The following FMN1 variants were observed in gnomAD, a reference collection of about 807,000 sequenced individuals.
The protein encoded by FMN1 is formin 1, also known as formin-1.
In FMN1, 110 loss-of-function variants were observed where a neutral mutation model predicts 132.4. The ratio of observed to expected loss-of-function variants is 0.83; its 90% CI spans 0.71 to 0.97. FMN1 has a LOEUF of 0.97. Among genes scored for constraint, FMN1 ranks in the 50% least tolerant of loss-of-function variants. The pLI is 0.00. For synonymous variants in FMN1, 722 were observed against 651.7 expected, an observed-to-expected ratio of 1.11 and a Z score of -1.64; for missense variants, 1,792 against 1,705.3, an observed-to-expected ratio of 1.05 and a Z score of -0.90.
chr15:32,932,975 T>C (rs1325963294), intron 9 of FMN1, among the ~76,000 whole-genome samples: 1 of 152,170 alleles, frequency 6.6e-6, no homozygotes, highest in Non-Finnish European at 1.5e-5. Flanking sequence ...TTTTCTATAC[T>C]CTATTTTGCT....
At chr15:32,922,028 C>T (rs906442314) in intron 10 of FMN1, among the ~76,000 whole-genome samples, 9 of 152,148 alleles carry the variant, frequency 5.9e-5, no homozygotes, top group Non-Finnish European at 1.2e-4. Context: ...ACTATTTCAT[C>T]CTCTCAGACT....
At chr15:32,798,992 T>G in intron 18 of FMN1, 39 bp from the exon 19 acceptor site, 2 of 1,587,846 alleles carry the variant, frequency 1.3e-6, no homozygotes, top group Non-Finnish European at 1.7e-6. Context: ...GAGGTAGAGG[T>G]GAGAAATTGC....
intron 7 of FMN1, among the ~76,000 whole-genome samples, chr15:32,995,136 TTAA>T (rs1228460629): frequency 5.3e-5 from 8 of 152,144 alleles, no homozygotes; most frequent in Non-Finnish European, 8.8e-5. Context: ...AACACATTTC[TTAA>T]TAATACTTCA....
chr15:32,825,445 T>A (rs537067887), intron 17 of FMN1, among the ~76,000 whole-genome samples: 1 of 152,342 alleles, frequency 6.6e-6, no homozygotes, highest in Non-Finnish European at 1.5e-5. Flanking sequence ...CTGCGTACGA[T>A]GTGTTTTTCT....
intron 17 of FMN1, among the ~76,000 whole-genome samples, chr15:32,845,817 G>A (rs2058842338): frequency 6.6e-6 from 1 of 152,032 alleles, no homozygotes; most frequent in Non-Finnish European, 1.5e-5. Flanking sequence ...GGTCAAAGTG[G>A]GACAATAAGA....
At chr15:33,040,413 CA>C (rs779933775) in intron 6 of FMN1, among the ~76,000 whole-genome samples, 23 of 152,104 alleles carry the variant, frequency 1.5e-4, no homozygotes, top group South Asian at 4.1e-4. Context: ...TTCACAGTGG[CA>C]AAAACAACAA....
intron 4 of FMN1, among the ~76,000 whole-genome samples, chr15:33,123,962 A>C (rs189022639): frequency 1.7e-4 from 26 of 152,340 alleles, no homozygotes; most frequent in Admixed American, 1.2e-3. Context: ...ACAACTTCAC[A>C]ATTAGATTCT....
chr15:32,941,591 T>C (rs1193138357), intron 9 of FMN1, among the ~76,000 whole-genome samples: 1 of 151,990 alleles, frequency 6.6e-6, no homozygotes, highest in Admixed American at 6.6e-5. Context: ...CTTATCATAC[T>C]CACTTTTCAT....
chr15:32,908,230 TAAC>T, intron 12 of FMN1: 3 of 375,744 alleles, frequency 8.0e-6, no homozygotes, highest in South Asian at 8.4e-5. Flanking sequence ...TAGGAGGAAT[TAAC>T]AAGTTGCTAG....
At chr15:32,879,001 T>G (rs1478197391) in intron 16 of FMN1, among the ~76,000 whole-genome samples, 1 of 152,182 alleles carries the variant, frequency 6.6e-6, no homozygotes, top group Non-Finnish European at 1.5e-5. Flanking sequence ...TTCCATTAAT[T>G]AAACGGATGA....
chr15:33,115,066 A>G (rs2039863496), intron 4 of FMN1, among the ~76,000 whole-genome samples: 1 of 152,212 alleles, frequency 6.6e-6, no homozygotes, highest in Non-Finnish European at 1.5e-5. Flanking sequence ...CAAAATGCTG[A>G]TTAAGCACCC....
chr15:32,823,379 A>C (rs137919035), intron 17 of FMN1, among the ~76,000 whole-genome samples: 1 of 151,730 alleles, frequency 6.6e-6, no homozygotes, highest in Non-Finnish European at 1.5e-5. Context: ...TTAGCCAGGA[A>C]GGTCTCGATC....
At chr15:33,121,232 CAA>C (rs1163551093) in intron 4 of FMN1, among the ~76,000 whole-genome samples, 3 of 152,152 alleles carry the variant, frequency 2.0e-5, no homozygotes, top group Middle Eastern at 3.2e-3. Flanking sequence ...TGTCTTGAAA[CAA>C]AAAGTATTCT....
rs115170629 is a variant in FMN1 at position 33,178,840 on chromosome 15, A to T, written c.-132+1358T>A. Among the ~76,000 whole-genome samples the T allele has an allele frequency of 4.9e-3, 740 of 152,328 alleles. 6 individuals are homozygous for T. The highest frequency in any genetic ancestry group is 0.017 in the African/African-American group (712 of 41,564). ...ACACCCTGCCTTCTATTGGCAATGA[A>T]CCTTTTGCAATGTATTGTTCCTATT... On this transcript the variant is annotated intron_variant, in intron 3 of 20. Coordinates refer to ENST00000616417, the MANE Select transcript of FMN1 (RefSeq NM_001277313.2).
intron 8 of FMN1, among the ~76,000 whole-genome samples, chr15:32,966,270 C>G (rs887477525): frequency 1.4e-4 from 21 of 151,694 alleles, no homozygotes; most frequent in African/African-American, 5.1e-4. Context: ...CAACCGTGAT[C>G]AGTTTAAGCA....
chr15:33,109,483 A>G (rs1036999531), intron 4 of FMN1, among the ~76,000 whole-genome samples: 2 of 152,110 alleles, frequency 1.3e-5, no homozygotes, highest in African/African-American at 2.4e-5. Context: ...TGTGGTATAT[A>G]TAACACCATG....
intron 16 of FMN1, among the ~76,000 whole-genome samples, chr15:32,860,177 A>G (rs8042287): frequency 0.42 from 53,022 of 126,672 alleles, 10,041 homozygotes; most frequent in African/African-American, 0.53. Context: ...AGGAAAAAAG[A>G]AAAGGGAGGA....
At chr15:33,085,382 G>T (rs1313931915) in intron 5 of FMN1, among the ~76,000 whole-genome samples, 2 of 151,578 alleles carry the variant, frequency 1.3e-5, no homozygotes, top group Non-Finnish European at 2.9e-5. Context: ...GGAAACACAG[G>T]GCCCAAACTA....
intron 6 of FMN1, among the ~76,000 whole-genome samples, chr15:33,035,572 T>G (rs1446113037): frequency 6.6e-6 from 1 of 152,132 alleles, no homozygotes; most frequent in Non-Finnish European, 1.5e-5. Context: ...TACATTCCCT[T>G]ACCTCTCCCT....
Sources: allele counts gnomAD v4.1 joint callset (sites outside exome capture counted in the v4.1 genomes callset), GRCh38; gene constraint gnomAD v4.1.1; transcripts MANE v1.5; gene names NCBI Gene and HGNC (gene_info 2026-07-23, HGNC 2026-07-21).